Variants in GALNT12 observed in about 807,000 individuals in gnomAD.
The protein encoded by GALNT12 is UDP-GalNAc:polypeptide N-acetylgalactosaminyltransferase 12.
A neutral mutation model predicts 55.5 loss-of-function variants in GALNT12; 45 were observed. The observed-to-expected ratio is 0.81, with a 90% confidence interval of 0.64 to 1.04. The LOEUF (loss-of-function observed/expected upper bound fraction) is 1.04. Ranked by LOEUF, GALNT12 falls within the 50% of genes least tolerant of loss-of-function variation. The pLI is 0.00. For missense variants in GALNT12, 709 were observed against 754.8 expected (o/e 0.94, Z 0.71); for synonymous variants, 304 against 312.2 (o/e 0.97, Z 0.28).
chr9:98,810,019 G>C (rs1208575847), intron 1 of GALNT12, among the ~76,000 whole-genome samples: 2 of 152,252 alleles, frequency 1.3e-5, no homozygotes, highest in East Asian at 3.8e-4. Context: ...CCCAGCCAGA[G>C]AGAAAGGTGA....
intron 1 of GALNT12, among the ~76,000 whole-genome samples, chr9:98,816,791 C>T (rs1554754550): frequency 6.7e-6 from 1 of 149,840 alleles, no homozygotes; most frequent in Non-Finnish European, 1.5e-5. Flanking sequence ...GCTGGGACTA[C>T]AGGTGTGTGC....
At chr9:98,817,757 C>T (rs1280680676) in intron 1 of GALNT12, among the ~76,000 whole-genome samples, 2 of 152,066 alleles carry the variant, frequency 1.3e-5, no homozygotes, top group South Asian at 2.1e-4. Context: ...CCACTGCACC[C>T]GGCCCAGAGT....
At position 98,832,325 on chromosome 9, in the gene GALNT12, G is replaced by A. The variant is rs577530171; in HGVS notation, c.917+368G>A. On this transcript the variant is annotated intron_variant, in intron 4 of 9. Transcript: ENST00000375011. ...GCTTGAGTCCAGGAGTTTGAGACCA[G>A]CCTGGGCAACATAGCAAGAACCTAT... Among the ~76,000 whole-genome samples, 48 of 152,168 alleles carry A rather than the reference G, an allele frequency of 3.2e-4. No homozygotes were observed. The East Asian group carries it at 7.4e-3, about 23-fold the overall frequency.
chr9:98,820,115 A>G (rs1324138327), intron 1 of GALNT12, among the ~76,000 whole-genome samples: 2 of 152,118 alleles, frequency 1.3e-5, no homozygotes, highest in African/African-American at 4.8e-5. Flanking sequence ...TTAAGTTTAT[A>G]GGTACATGTG....
intron 6 of GALNT12, among the ~76,000 whole-genome samples, chr9:98,837,885 G>T (rs895021247): frequency 1.3e-5 from 2 of 152,182 alleles, no homozygotes; most frequent in Admixed American, 1.3e-4. Context: ...TTGATTTGGA[G>T]GTTACAAATC....
intron 1 of GALNT12, 77 bp from the exon 2 acceptor site, chr9:98,823,179 A>G: frequency 1.5e-6 from 2 of 1,309,734 alleles, no homozygotes; most frequent in Non-Finnish European, 1.1e-6. Context: ...ACCATGACCT[A>G]TGTCCCCTTT....
intron 1 of GALNT12, among the ~76,000 whole-genome samples, chr9:98,814,374 TAA>T (rs936977154): frequency 6.6e-6 from 1 of 152,148 alleles, no homozygotes; most frequent in African/African-American, 2.4e-5. Flanking sequence ...TGATTTTTTT[TAA>T]AAGACATTTA....
chr9:98,811,151 G>C (rs1018900433), intron 1 of GALNT12, among the ~76,000 whole-genome samples: 4 of 152,184 alleles, frequency 2.6e-5, no homozygotes, highest in Non-Finnish European at 5.9e-5. Flanking sequence ...TACTGGCCTA[G>C]AGCCTGTGGA....
intron 2 of GALNT12, among the ~76,000 whole-genome samples, chr9:98,824,403 A>G (rs1279849856): frequency 6.6e-6 from 1 of 152,150 alleles, no homozygotes; most frequent in Non-Finnish European, 1.5e-5. Flanking sequence ...AAGGGGAAGG[A>G]GAGCCACACC....
chr9:98,818,024 A>G (rs565219263), intron 1 of GALNT12, among the ~76,000 whole-genome samples: 3 of 152,150 alleles, frequency 2.0e-5, no homozygotes, highest in Non-Finnish European at 4.4e-5. Context: ...GTTTTGGCCC[A>G]TTTAATCACT....
At chr9:98,823,514 G>A (rs1488509130) in intron 2 of GALNT12, 89 bp downstream of exon 2, 2 of 1,172,644 alleles carry the variant, frequency 1.7e-6, no homozygotes, top group Admixed American at 1.7e-5. Context: ...GCTAAAGTAG[G>A]CCCAGTAAGG....
At chr9:98,809,187 C>A (rs898079034) in intron 1 of GALNT12, among the ~76,000 whole-genome samples, 1 of 152,232 alleles carries the variant, frequency 6.6e-6, no homozygotes, top group Non-Finnish European at 1.5e-5. Context: ...GTACCTTGGC[C>A]AGAGAGACCA....
At chr9:98,824,760 A>C (rs1835822033) in intron 2 of GALNT12, among the ~76,000 whole-genome samples, 1 of 152,212 alleles carries the variant, frequency 6.6e-6, no homozygotes, top group Admixed American at 6.5e-5. Context: ...TCACCTGTGA[A>C]TGGGTCTGTC....
intron 6 of GALNT12, 130 bp from the exon 7 acceptor site, chr9:98,839,872 C>A: frequency 8.9e-7 from 1 of 1,117,652 alleles, no homozygotes; most frequent in Non-Finnish European, 1.4e-6. Flanking sequence ...GTGCTCCACA[C>A]AGGGCCTGGC....
chr9:98,836,159 T>A (rs1407501), intron 5 of GALNT12, among the ~76,000 whole-genome samples: 52,801 of 152,034 alleles, frequency 0.35, 9,504 homozygotes, highest in East Asian at 0.49. Context: ...TAACAAGCCT[T>A]CCTACTGATG....
rs376323762 is a variant in GALNT12, at chr9:98,845,599, A to G, written c.1459-378A>G. On this transcript the variant is annotated intron_variant, in intron 8 of 9. Coordinates refer to ENST00000375011, the MANE Select transcript of GALNT12 (RefSeq NM_024642.5). ...GGGAGGAGAGACTGAGGAAAAGGAG[A>G]GGAAGTAGCTAGTCAAGGTCACAGA... Among the ~76,000 whole-genome samples the G allele has an allele frequency of 5.3e-5, 8 of 152,022 alleles. No individual in the cohort carries two copies. In the East Asian group the frequency reaches 1.5e-3, roughly 29 times the overall value.
chr9:98,840,025 G>A lies in GALNT12; in HGVS notation c.1236G>A (p.Glu412=). ...ARLEPFGDVT[E]RKQLRDKLQC... The stretch of plus-strand genomic sequence containing the variant: ...AGGAACCTTTTGGGGATGTGACAGA[G>A]AGGAAGCAGCTCCGGGACAAGCTCC... Residue 412 remains glutamate (E), a synonymous_variant, in exon 7 of 10, where the codon GAG becomes GAA. Coordinates refer to ENST00000375011, the MANE Select transcript of GALNT12 (RefSeq NM_024642.5). The A allele has an allele frequency of 6.2e-7, 1 of 1,614,182 alleles. No homozygotes were observed. Among genetic ancestry groups the A allele is most frequent in the Non-Finnish European group, 8.5e-7 (1 of 1,180,014 alleles).
chr9:98,826,711 G>T (rs1347851668), intron 2 of GALNT12, 41 bp from the exon 3 acceptor site: 1 of 1,594,266 alleles, frequency 6.3e-7, no homozygotes, highest in Non-Finnish European at 8.5e-7. Context: ...GCTCCTCCGA[G>T]ATTGTCACGG....
At chr9:98,836,832 G>A (rs2118448796) in intron 5 of GALNT12, 140 bp from the exon 6 acceptor site, 2 of 839,540 alleles carry the variant, frequency 2.4e-6, no homozygotes, top group Admixed American at 1.9e-5. Flanking sequence ...CCGGGTAGGT[G>A]GCCTCCTGCC....
Sources: allele counts gnomAD v4.1 joint callset (sites outside exome capture counted in the v4.1 genomes callset), GRCh38; gene constraint gnomAD v4.1.1; transcripts MANE v1.5; gene names NCBI Gene and HGNC (gene_info 2026-07-23, HGNC 2026-07-21).